Variants in GFI1B observed in about 807,000 individuals in gnomAD.
The protein encoded by GFI1B is growth factor independent 1B transcriptional repressor.
A neutral mutation model predicts 35.3 loss-of-function variants in GFI1B; 20 were observed. The observed-to-expected ratio is 0.57, with a 90% CI of 0.40 to 0.82. GFI1B has a LOEUF of 0.82. Ranked by LOEUF, GFI1B falls within the 40% of genes least tolerant of loss-of-function variation. The pLI is 0.00. For missense variants in GFI1B, 430 were observed against 446.3 expected, an observed-to-expected ratio of 0.96 and a Z score of 0.33; for synonymous variants, 178 against 177.6, an observed-to-expected ratio of 1.00 and a Z score of -0.02.
chr9:132,956,266 A>G (rs890475707), intron 1 of GFI1B, among the ~76,000 whole-genome samples: 4 of 152,164 alleles, frequency 2.6e-5, no homozygotes, highest in South Asian at 2.1e-4. Context: ...AAGAAAAGCT[A>G]CTATCATACC....
chr9:132,963,630 G>A (rs1199300012), intron 1 of GFI1B: 1 of 151,954 alleles, frequency 6.6e-6, no homozygotes, highest in Admixed American at 6.6e-5. Flanking sequence ...TAGGATTACA[G>A]GTGTGAGCCA....
Position 132,991,004 on chromosome 9 carries a change from A to C in GFI1B, c.947A>C (p.Lys316Thr), listed in dbSNP as rs1849276030. The C allele has an allele frequency of 1.2e-6, 2 of 1,614,022 alleles. No homozygotes were observed. Among genetic ancestry groups the C allele is most frequent in the Non-Finnish European group, 1.7e-6 (2 of 1,179,972 alleles). The change falls in exon 7 of 7, where the codon AAG becomes ACG. Residue 316 changes from lysine (K) to threonine (T), a missense_variant. Transcript: ENST00000372122. The part of the protein sequence containing the change: ...CELCTKGFQR[K>T]VDLRRHRESQ... The stretch of plus-strand genomic sequence containing the variant: ...CTGTGCACCAAAGGCTTCCAGCGCA[A>C]GGTGGACCTGCGGCGGCACCGCGAG...
At chr9:132,959,727 G>C (rs1848337293) in intron 1 of GFI1B, among the ~76,000 whole-genome samples, 1 of 152,182 alleles carries the variant, frequency 6.6e-6, no homozygotes, top group Non-Finnish European at 1.5e-5. Context: ...GGGAGCAGCT[G>C]TTCCCTGGCT....
upstream of GFI1B, among the ~76,000 whole-genome samples, chr9:132,975,814 G>A (rs79749639): frequency 0.014 from 2,186 of 152,326 alleles, 58 homozygotes; most frequent in African/African-American, 0.048. Context: ...CTAAATGAAG[G>A]TGTTGACTCC....
intron 3 of GFI1B, 101 bp from the exon 4 acceptor site, chr9:132,988,096 T>G (rs1849142396): frequency 9.1e-7 from 1 of 1,095,726 alleles, no homozygotes; most frequent in Admixed American, 1.7e-5. Context: ...CCCACTTGCC[T>G]CAGCCTCCCA....
intron 1 of GFI1B, among the ~76,000 whole-genome samples, chr9:132,971,075 G>T (rs1378023493): frequency 1.3e-5 from 2 of 152,128 alleles, no homozygotes; most frequent in African/African-American, 4.8e-5. Flanking sequence ...ATTTTGCCCA[G>T]GCCAGTCTTG....
chr9:132,983,409 C>T (rs1848906391), intron 1 of GFI1B, among the ~76,000 whole-genome samples: 1 of 152,050 alleles, frequency 6.6e-6, no homozygotes, highest in Admixed American at 6.6e-5. Flanking sequence ...GTTGGCTAGG[C>T]TGGTCTCGAA....
chr9:132,945,605 G>A (rs1373452418), exon 1 of GFI1B: 1 of 154,226 alleles, frequency 6.5e-6, no homozygotes, highest in Admixed American at 6.5e-5. Context: ...CCCTGTGAGA[G>A]GAGGCAGAGT....
chr9:132,956,886 C>T (rs757740247), intron 1 of GFI1B, among the ~76,000 whole-genome samples: 8 of 152,184 alleles, frequency 5.3e-5, no homozygotes, highest in Admixed American at 1.3e-4. Flanking sequence ...GGGAAGGATG[C>T]ACTCCTAAGC....
Position 132,988,243 on chromosome 9 carries a change from G to T in GFI1B, c.285G>T (p.Leu95=). The change falls in exon 4 of 7, where the codon CTG becomes CTT. Residue 95 remains leucine, a synonymous_variant. Coordinates refer to ENST00000372122, the MANE Select transcript of GFI1B (RefSeq NM_001377304.1). ...LSRPQDGDSP[L]SDSPPFYKPS... ...GACCCCAGGATGGGGACTCTCCACT[G>T]TCCGACTCACCCCCATTCTACAAGC... 1 of 1,613,990 alleles carries T rather than the reference G, an allele frequency of 6.2e-7. No homozygotes were observed. The highest frequency in any genetic ancestry group is 1.7e-5 in the Admixed American group (1 of 60,028).
At chr9:132,967,520 T>C (rs929481907) in intron 1 of GFI1B, among the ~76,000 whole-genome samples, 3 of 152,200 alleles carry the variant, frequency 2.0e-5, no homozygotes, top group Non-Finnish European at 2.9e-5. Context: ...CTTGTCTGGA[T>C]CCTGATTCTA....
chr9:132,954,574 C>CAAA (rs111946842), intron 1 of GFI1B, among the ~76,000 whole-genome samples: 5 of 107,738 alleles, frequency 4.6e-5, no homozygotes, highest in Non-Finnish European at 7.9e-5. Context: ...GACTCTGTCT[C>CAAA]AAAAAAAAAA....
chr9:132,971,353 T>C (rs1217221513), intron 1 of GFI1B, among the ~76,000 whole-genome samples: 1 of 152,140 alleles, frequency 6.6e-6, no homozygotes, highest in Non-Finnish European at 1.5e-5. Flanking sequence ...ACTCCTTCCA[T>C]GCTTCTCTGA....
intron 2 of GFI1B, 57 bp downstream of exon 2, chr9:132,986,835 G>A (rs879427164): frequency 5.6e-5 from 58 of 1,036,686 alleles, no homozygotes; most frequent in Admixed American, 1.3e-4. Flanking sequence ...TCTGCTCTGC[G>A]TGATGAGGGT....
chr9:132,954,943 T>G (rs1848260916), intron 1 of GFI1B, among the ~76,000 whole-genome samples: 1 of 152,146 alleles, frequency 6.6e-6, no homozygotes, highest in Non-Finnish European at 1.5e-5. Flanking sequence ...GGTCTCGATC[T>G]CTTGACCTCA....
intron 1 of GFI1B, among the ~76,000 whole-genome samples, chr9:132,957,114 G>A (rs1848294272): frequency 6.6e-6 from 1 of 152,206 alleles, no homozygotes; most frequent in African/African-American, 2.4e-5. Context: ...GTCTCAGTGA[G>A]TGTCTAAGGA....
downstream of GFI1B, chr9:132,991,694 G>C (rs1849299167): frequency 6.4e-6 from 1 of 156,904 alleles, no homozygotes; most frequent in Non-Finnish European, 1.4e-5. Context: ...CAGATTTGCT[G>C]CCATGTGACC....
chr9:132,980,200 C>G (rs773877673), intron 1 of GFI1B, among the ~76,000 whole-genome samples: 1 of 151,652 alleles, frequency 6.6e-6, no homozygotes, highest in Non-Finnish European at 1.5e-5. Flanking sequence ...ACCATTGCCC[C>G]GAAGCTTTCA....
rs1260894802 is a variant in GFI1B, at chr9:132,987,453, G to A, written c.238+34G>A. ...CTGTGACCCACTGTCATTCCCCAGG[G>A]AGTGCCAAGGGGAGGAAGGATGAAG... On this transcript the variant is annotated intron_variant, in intron 3 of 6. Transcript: ENST00000372122. 13 of 1,613,580 alleles carry A rather than the reference G, an allele frequency of 8.1e-6. No homozygotes were observed. The South Asian group carries it at 1.3e-4, about 16-fold the overall frequency.
Sources: gnomAD v4.1 joint callset for allele counts (sites outside exome capture counted in the v4.1 genomes callset) on GRCh38, gnomAD v4.1.1 for gene constraint, MANE v1.5 for transcripts, NCBI Gene and HGNC (gene_info 2026-07-23, HGNC 2026-07-21) for gene names.